Variants in CDH23 observed in about 807,000 individuals in gnomAD.
The protein encoded by CDH23 is cadherin related 23, also known as cadherin-23.
CDH23 carries 189 observed loss-of-function variants against 317.1 expected under a neutral mutation model. The observed-to-expected ratio is 0.60, with a 90% CI of 0.53 to 0.67. CDH23 has a LOEUF of 0.67. Ranked by LOEUF, CDH23 falls within the 30% of genes least tolerant of loss-of-function variation. The pLI is 0.00. For synonymous variants in CDH23, 1,839 were observed against 1,876.8 expected (o/e 0.98, Z 0.52); for missense variants, 4,401 against 4,592.4 (o/e 0.96, Z 1.20).
In CDH23 at chr10:71,807,583, C is replaced by A. The variant is rs777586741; in HGVS notation, c.8376C>A (p.Asp2792Glu). 3 of 1,613,872 alleles carry A rather than the reference C, an allele frequency of 1.9e-6. No homozygotes were observed. The African/African-American group carries it at 4.0e-5, about 22-fold the overall frequency. ...GTCTGCTGGTGCTGCGGGACCTGGA[C>A]CGGGAGCGAGAAGCCATCTTCTCCT... Reference protein sequence around the residue: ...DGCLLVLRDLDREREAIFSFI... With the variant: ...DGCLLVLRDLEREREAIFSFI... The change falls in exon 59 of 70, where the codon GAC (aspartate) becomes GAA (glutamate). Residue 2792 changes from aspartate to glutamate, a missense_variant. Transcript: ENST00000224721.
At chr10:71,664,384 C>T (rs191766234) in intron 14 of CDH23, among the ~76,000 whole-genome samples, 4 of 152,202 alleles carry the variant, frequency 2.6e-5, no homozygotes, top group African/African-American at 9.7e-5. Context: ...ACAAACAAGC[C>T]GAGGGCCTCA....
rs1224900780 is a variant in CDH23, at chr10:71,791,132, G to A, written c.6050G>A (p.Gly2017Asp). ...CCTGGCTGGCGGCACCGGGTGCCAG[G>A]TGTGGTGACCGTGAGGTCAGGTGTC... The part of the protein sequence containing the change: ...SGLFDINSST[G>D]VVTVRSGVII... Residue 2017 changes from glycine to aspartate, a missense_variant and splice_region_variant, in exon 47 of 70, where the codon GGT becomes GAT. Coordinates refer to ENST00000224721, the MANE Select transcript of CDH23 (RefSeq NM_022124.6). 2 of 1,604,676 alleles carry A rather than the reference G, an allele frequency of 1.2e-6. No homozygotes were observed. Among genetic ancestry groups the A allele is most frequent in the South Asian group, 1.1e-5 (1 of 89,432 alleles).
intron 6 of CDH23, among the ~76,000 whole-genome samples, chr10:71,538,450 C>A (rs932735858): frequency 6.6e-6 from 1 of 152,176 alleles, no homozygotes; most frequent in African/African-American, 2.4e-5. Context: ...GAGGCCCAGA[C>A]GAGTGAAATG....
chr10:71,612,477 T>G (rs1860962280), intron 9 of CDH23, among the ~76,000 whole-genome samples: 1 of 152,088 alleles, frequency 6.6e-6, no homozygotes, highest in Non-Finnish European at 1.5e-5. Flanking sequence ...AAACCAAAAA[T>G]GAAAGCACGT....
chr10:71,615,750 G>C, intron 10 of CDH23, 134 bp downstream of exon 10: 1 of 651,552 alleles, frequency 1.5e-6, no homozygotes, highest in East Asian at 2.7e-5. Flanking sequence ...CTCTCACCCT[G>C]CACTGCCTCC....
At chr10:71,511,362 A>T in intron 6 of CDH23, 150 bp downstream of exon 6, 1 of 730,216 alleles carries the variant, frequency 1.4e-6, no homozygotes, top group Non-Finnish European at 2.4e-6. Context: ...AGGTTGGCGA[A>T]CATGCTGGTA....
intron 14 of CDH23, chr10:71,647,190 C>T (rs1450794510): frequency 1.1e-5 from 8 of 700,848 alleles, no homozygotes; most frequent in African/African-American, 1.9e-5. Flanking sequence ...AGGCCGGGCT[C>T]GGTGGCTCAC....
Position 71,739,735 on chromosome 10 carries a change from C to T in CDH23, c.4451C>T (p.Pro1484Leu), listed in dbSNP as rs371145622. 7.3e-5 allele frequency: 117 copies of T among 1,613,122 alleles called. No homozygotes were observed. In the Middle Eastern group the frequency reaches 1.3e-3, roughly 18 times the overall value. ...DSIGEVFVAR[P>L]LDREELDHYI... ...ATTGGCGAAGTGTTTGTGGCCAGGC[C>T]CCTGGACAGAGAAGAGCTGGATCAC... The change falls in exon 36 of 70, where the codon CCC (proline) becomes CTC (leucine). Residue 1484 changes from proline (P) to leucine (L), a missense_variant. Physicochemically the swap from Pro to Leu is moderately conservative, Grantham distance 98. Coordinates refer to ENST00000224721, the MANE Select transcript of CDH23 (RefSeq NM_022124.6).
intron 38 of CDH23, among the ~76,000 whole-genome samples, chr10:71,760,219 G>GTATATACATATATATGTGTGTATATATA: frequency 1.9e-5 from 1 of 52,054 alleles, no homozygotes; most frequent in Non-Finnish European, 3.9e-5. Context: ...GTGTATATAT[G>GTATATACATATATATGTGTGTATATATA]TGTATATATA....
In CDH23 at chr10:71,420,746, G is replaced by A. The variant is rs191971699; in HGVS notation, c.-5-19081G>A. On this transcript the variant is annotated intron_variant, in intron 1 of 69. Coordinates refer to ENST00000224721, the MANE Select transcript of CDH23 (RefSeq NM_022124.6). ...CTATTATCTCCATTTAAGAGATTAG[G>A]GAAACTGAGGCACAGAGCAGCTAAG... Among the ~76,000 whole-genome samples the A allele has an allele frequency of 1.1e-4, 16 of 152,172 alleles. No individual in the cohort carries two copies. In the East Asian group the frequency reaches 2.9e-3, roughly 28 times the overall value.
At chr10:71,701,971 A>C in intron 22 of CDH23, 51 bp from the exon 23 acceptor site, 1 of 1,590,030 alleles carries the variant, frequency 6.3e-7, no homozygotes, top group South Asian at 1.1e-5. Context: ...CAGCCCAGAG[A>C]CACCCTCCCC....
At chr10:71,570,714 G>A (rs1589219790) in intron 7 of CDH23, 76 bp from the exon 8 acceptor site, 1 of 1,511,594 alleles carries the variant, frequency 6.6e-7, no homozygotes, top group Admixed American at 2.0e-5. Flanking sequence ...GCAGGTCTGT[G>A]TGTGTGTGTA....
chr10:71,710,471 T>C (rs141490581), intron 27 of CDH23, among the ~76,000 whole-genome samples: 57 of 152,260 alleles, frequency 3.7e-4, no homozygotes, highest in African/African-American at 1.3e-3. Flanking sequence ...AGGAAGACAG[T>C]GCCTAGTGGC....
intron 8 of CDH23, among the ~76,000 whole-genome samples, chr10:71,575,879 G>T (rs1564663226): frequency 6.6e-6 from 1 of 152,250 alleles, no homozygotes; most frequent in Non-Finnish European, 1.5e-5. Flanking sequence ...CAGTCTTTCT[G>T]GCTGCACTTG....
At chr10:71,444,008 A>G (rs1210780680) in intron 2 of CDH23, among the ~76,000 whole-genome samples, 5 of 152,066 alleles carry the variant, frequency 3.3e-5, no homozygotes, top group Non-Finnish European at 5.9e-5. Context: ...ACTGCAGGTG[A>G]TTTTTTTTCC....
intron 17 of CDH23, among the ~76,000 whole-genome samples, chr10:71,681,776 G>T (rs960709834): frequency 6.6e-6 from 1 of 152,208 alleles, no homozygotes; most frequent in Non-Finnish European, 1.5e-5. Context: ...CTTCTACAAA[G>T]AAATTTTTTT....
chr10:71,793,518 C>A lies in CDH23; in HGVS notation c.6590C>A (p.Thr2197Lys). Reference protein sequence around the residue: ...AEPGTVIANITAIDHDLNPKL... With the variant: ...AEPGTVIANIKAIDHDLNPKL... ...CCAGGCACTGTCATTGCCAATATCA[C>A]GGCCATTGACCACGACCTCAACCCA... Residue 2197 changes from threonine (T) to lysine (K), a missense_variant, in exon 48 of 70, where the codon ACG (threonine) becomes AAG (lysine). Around this residue, in one of 3 missense-constraint regions of CDH23, gnomAD observed 3,068 missense variants for 3,203.3 expected, o/e 0.96. Coordinates refer to ENST00000224721, the MANE Select transcript of CDH23 (RefSeq NM_022124.6). The A allele has an allele frequency of 6.2e-7, 1 of 1,613,878 alleles. No individual in the cohort carries two copies. Among genetic ancestry groups the A allele is most frequent in the South Asian group, 1.1e-5 (1 of 91,072 alleles).
At chr10:71,739,577 C>G in intron 35 of CDH23, 67 bp from the exon 36 acceptor site, 1 of 1,568,498 alleles carries the variant, frequency 6.4e-7, no homozygotes, top group East Asian at 2.3e-5. Flanking sequence ...CAGGGAGTCC[C>G]CCTTGGCTTG....
chr10:71,495,413 T>A (rs771507715), intron 3 of CDH23, among the ~76,000 whole-genome samples: 2 of 152,092 alleles, frequency 1.3e-5, no homozygotes, highest in Non-Finnish European at 2.9e-5. Flanking sequence ...CTTTTCCTGC[T>A]ATTGAAAGGT....
Sources: allele counts gnomAD v4.1 joint callset (sites outside exome capture counted in the v4.1 genomes callset), GRCh38; gene constraint gnomAD v4.1.1; regional missense constraint gnomAD v4.1.1; transcripts MANE v1.5; gene names NCBI Gene and HGNC (gene_info 2026-07-23, HGNC 2026-07-21).